The following KIAA1217 variants were observed in gnomAD, a reference collection of about 807,000 sequenced individuals.
The protein encoded by KIAA1217 is sickle tail protein homolog.
In KIAA1217, 88 loss-of-function variants were observed where a neutral mutation model predicts 163.9. The ratio of observed to expected loss-of-function variants is 0.54; its 90% CI spans 0.45 to 0.64. The LOEUF (loss-of-function observed/expected upper bound fraction) is 0.64, where lower values mean the gene tolerates loss of function less well. Among genes scored for constraint, KIAA1217 ranks in the 30% least tolerant of loss-of-function variants. KIAA1217 has a pLI of 0.00. For missense variants in KIAA1217, 2,372 were observed against 2,475.0 expected (o/e 0.96, Z 0.88); for synonymous variants, 903 against 923.1 (o/e 0.98, Z 0.39).
At position 24,001,109 on chromosome 10, in the gene KIAA1217, G is replaced by A. The variant is rs77839261; in HGVS notation, c.-320-6116G>A. The stretch of plus-strand genomic sequence containing the variant: ...ACACACACACACAGCTGCTTTAATC[G>A]CCAATGTGAGTATATTTTAATTGAA... On this transcript the variant is annotated intron_variant, in intron 1 of 18. Transcript: ENST00000376462. 9.3e-3 allele frequency among the ~76,000 whole-genome samples: 1,408 copies of A among 151,772 alleles called. 23 individuals carry two copies. The highest frequency in any genetic ancestry group is 0.03 in the African/African-American group (1,235 of 41,362).
intron 2 of KIAA1217, among the ~76,000 whole-genome samples, chr10:24,123,685 AAATCAG>A (rs1243345545): frequency 6.6e-6 from 1 of 152,172 alleles, no homozygotes; most frequent in African/African-American, 2.4e-5. Context: ...CAGACCAATT[AAATCAG>A]AATCTGTGGA....
chr10:23,823,447 C>T (rs955017747), intron 1 of KIAA1217, among the ~76,000 whole-genome samples: 1 of 152,146 alleles, frequency 6.6e-6, no homozygotes, highest in Non-Finnish European at 1.5e-5. Context: ...TCTTCTGCCC[C>T]TAGAAGAGAT....
At chr10:24,372,897 A>G (rs1156902393) in intron 2 of KIAA1217, among the ~76,000 whole-genome samples, 3 of 152,228 alleles carry the variant, frequency 2.0e-5, no homozygotes, top group African/African-American at 7.2e-5. Context: ...CTGACACTCC[A>G]GTACAAGAAC....
At chr10:24,233,106 C>A (rs2071685468) in intron 2 of KIAA1217, among the ~76,000 whole-genome samples, 1 of 151,922 alleles carries the variant, frequency 6.6e-6, no homozygotes, top group South Asian at 2.1e-4. Context: ...GCCTGGGTGA[C>A]AAAGCAAGAC....
chr10:24,465,030 G>A (rs927877357), intron 5 of KIAA1217, among the ~76,000 whole-genome samples: 3 of 152,166 alleles, frequency 2.0e-5, no homozygotes, highest in Non-Finnish European at 2.9e-5. Context: ...GGGCGGCATC[G>A]TGGCCTAATC....
At chr10:24,432,954 A>G in intron 3 of KIAA1217, 41 bp from the exon 4 acceptor site, 1 of 1,542,220 alleles carries the variant, frequency 6.5e-7, no homozygotes, top group South Asian at 1.1e-5. Context: ...GTGTCCCCTG[A>G]GTCTTGACCT....
intron 2 of KIAA1217, among the ~76,000 whole-genome samples, chr10:24,343,054 C>T (rs2047298089): frequency 6.6e-6 from 1 of 152,142 alleles, no homozygotes; most frequent in African/African-American, 2.4e-5. Context: ...TTTCTAGTTT[C>T]TGTCTTTCTC....
chr10:24,142,915 C>G (rs1353708354), intron 2 of KIAA1217, among the ~76,000 whole-genome samples: 1 of 152,128 alleles, frequency 6.6e-6, no homozygotes, highest in East Asian at 1.9e-4. Flanking sequence ...CTGTCAAAGA[C>G]CAAGACTGCA....
chr10:23,720,060 G>A (rs1298223447), intron 1 of KIAA1217, among the ~76,000 whole-genome samples: 2 of 151,812 alleles, frequency 1.3e-5, no homozygotes, highest in African/African-American at 4.8e-5. Context: ...AATAGGTAGG[G>A]GATTTGAATT....
At chr10:23,720,336 A>T (rs1255903466) in intron 1 of KIAA1217, among the ~76,000 whole-genome samples, 1 of 152,180 alleles carries the variant, frequency 6.6e-6, no homozygotes, top group East Asian at 1.9e-4. Flanking sequence ...GTCACTTGAT[A>T]AAATAAAATT....
chr10:23,927,557 T>C (rs1007779030), intron 1 of KIAA1217, among the ~76,000 whole-genome samples: 24 of 152,180 alleles, frequency 1.6e-4, no homozygotes, highest in African/African-American at 5.8e-4. Flanking sequence ...GATGCTCATA[T>C]GTGATTGAAA....
chr10:23,770,297 C>T (rs1028260544), intron 1 of KIAA1217, among the ~76,000 whole-genome samples: 1 of 152,144 alleles, frequency 6.6e-6, no homozygotes, highest in Non-Finnish European at 1.5e-5. Flanking sequence ...ATGTGCAAGC[C>T]CCATTCCTCA....
rs1371515109 is a variant in KIAA1217 at position 24,423,537 on chromosome 10, G to A, written c.554-9458G>A. Among the ~76,000 whole-genome samples the A allele has an allele frequency of 2.6e-5, 4 of 152,128 alleles. 1 individual carries two copies. The highest frequency in any genetic ancestry group is 5.9e-5 in the Non-Finnish European group (4 of 68,036). On this transcript the variant is annotated intron_variant, in intron 3 of 20. Transcript: ENST00000376454. The stretch of plus-strand genomic sequence containing the variant: ...TGCAGTGGCACCATCTCGGCTCACT[G>A]CAACCTCTGCCTCCCAGGTTCACGT...
intron 1 of KIAA1217, among the ~76,000 whole-genome samples, chr10:23,893,938 A>T (rs1237013201): frequency 6.6e-6 from 1 of 151,990 alleles, no homozygotes; most frequent in Non-Finnish European, 1.5e-5. Context: ...AAAATTCAAC[A>T]ACCCTTCATG....
chr10:24,120,335 C>T (rs2063232512), intron 2 of KIAA1217, among the ~76,000 whole-genome samples: 1 of 152,166 alleles, frequency 6.6e-6, no homozygotes, highest in African/African-American at 2.4e-5. Flanking sequence ...GCCATGAACC[C>T]ACCCTTGGGA....
At chr10:24,387,763 GACAA>G (rs1188013727) in intron 3 of KIAA1217, among the ~76,000 whole-genome samples, 1 of 151,976 alleles carries the variant, frequency 6.6e-6, no homozygotes, top group Non-Finnish European at 1.5e-5. Context: ...ACCAATAACA[GACAA>G]ACAGAGAGCC....
chr10:24,417,369 T>C (rs1256168676), intron 3 of KIAA1217, among the ~76,000 whole-genome samples: 2 of 152,114 alleles, frequency 1.3e-5, no homozygotes, highest in South Asian at 2.1e-4. Flanking sequence ...GAAATTTGAG[T>C]GTTCCCAAGT....
At chr10:23,890,180 A>T (rs968470485) in intron 1 of KIAA1217, among the ~76,000 whole-genome samples, 1 of 151,662 alleles carries the variant, frequency 6.6e-6, no homozygotes, top group Non-Finnish European at 1.5e-5. Flanking sequence ...TGTTTTTAAC[A>T]ATCTTTTTAA....
intron 2 of KIAA1217, among the ~76,000 whole-genome samples, chr10:24,322,666 T>C (rs1329907368): frequency 3.9e-5 from 6 of 152,178 alleles, no homozygotes; most frequent in Non-Finnish European, 2.9e-5. Flanking sequence ...TTTGAGCCAC[T>C]CCTTCAAACC....
Sources: allele counts gnomAD v4.1 joint callset (sites outside exome capture counted in the v4.1 genomes callset), GRCh38; gene constraint gnomAD v4.1.1; transcripts MANE v1.5; gene names NCBI Gene and HGNC (gene_info 2026-07-23, HGNC 2026-07-21).